FRMD4A: variants seen among roughly 807,000 people sequenced by gnomAD.
FRMD4A encodes FERM domain-containing protein 4A.
Under a neutral mutation model 129.1 loss-of-function variants are expected in FRMD4A, and 29 were observed. That is an observed-to-expected ratio of 0.22 (90% CI 0.17 to 0.31). The LOEUF (loss-of-function observed/expected upper bound fraction) is 0.31. Ranked by LOEUF, FRMD4A falls within the 10% of genes least tolerant of loss-of-function variation. FRMD4A has a pLI of 1.00. For missense variants in FRMD4A, 1,272 were observed against 1,375.8 expected, an observed-to-expected ratio of 0.92 and a Z score of 1.19; for synonymous variants, 634 against 571.6, an observed-to-expected ratio of 1.11 and a Z score of -1.56.
Position 13,890,566 on chromosome 10 carries a change from C to G in FRMD4A, c.46-31654G>C, listed in dbSNP as rs961247986. On this transcript the variant is annotated intron_variant, in intron 2 of 24. Coordinates refer to ENST00000357447, the MANE Select transcript of FRMD4A (RefSeq NM_018027.5). ...TTCCCGATAGAACAGGCTGTCACCA[C>G]TGACCAGCTCAGACTTAGAAATGTG... is the stretch of plus-strand genomic sequence containing the variant. 5.1e-6 allele frequency: 5 copies of G among 984,130 alleles called. No homozygotes were observed. The African/African-American group carries it at 7.0e-5, about 14-fold the overall frequency. The allele number at this position is 984,130 out of a possible 1,614,324, so 61.0% of individuals were successfully genotyped here.
chr10:14,057,465 A>T (rs1202157005), intron 2 of FRMD4A, among the ~76,000 whole-genome samples: 1 of 152,186 alleles, frequency 6.6e-6, no homozygotes, highest in African/African-American at 2.4e-5. Context: ...AATTCAAGAA[A>T]TTTCAAGGAA....
intron 2 of FRMD4A, among the ~76,000 whole-genome samples, chr10:13,885,742 T>C (rs561175105): frequency 6.6e-6 from 1 of 152,282 alleles, no homozygotes; most frequent in East Asian, 1.9e-4. Flanking sequence ...GGTTCTCCCC[T>C]CCTGCCAAGA....
At chr10:13,932,383 A>G (rs2610795) in intron 2 of FRMD4A, among the ~76,000 whole-genome samples, 34,757 of 152,134 alleles carry the variant, frequency 0.23, 4,252 homozygotes, top group Non-Finnish European at 0.26. Flanking sequence ...GACAGTGTCT[A>G]GAGTCTTCAT....
intron 2 of FRMD4A, among the ~76,000 whole-genome samples, chr10:14,109,455 GATAT>G (rs369234319): frequency 3.0e-4 from 46 of 152,294 alleles, no homozygotes; most frequent in African/African-American, 1.1e-3. Flanking sequence ...AAAGGCAACA[GATAT>G]ATAGTTGTTT....
intron 2 of FRMD4A, among the ~76,000 whole-genome samples, chr10:14,226,613 C>T (rs1229984447): frequency 6.6e-6 from 1 of 152,138 alleles, no homozygotes; most frequent in Non-Finnish European, 1.5e-5. Flanking sequence ...TACATCTTCC[C>T]ATGGTCCATG....
At position 13,663,514 on chromosome 10, in the gene FRMD4A, G is replaced by A; in HGVS notation, c.1604-5C>T. 1 of 1,502,120 alleles carries A rather than the reference G, an allele frequency of 6.7e-7. No homozygotes were observed. Among genetic ancestry groups the A allele is most frequent in the Non-Finnish European group, 9.3e-7 (1 of 1,077,628 alleles). The allele number at this position is 1,502,120 out of a possible 1,614,324, so 93.0% of individuals were successfully genotyped here. A position where few individuals can be genotyped will look rare whatever the true frequency, so the allele number is the denominator to read the frequency against. On this transcript the variant is annotated splice_polypyrimidine_tract_variant and splice_region_variant and intron_variant, in intron 18 of 24. Coordinates refer to ENST00000357447, the MANE Select transcript of FRMD4A (RefSeq NM_018027.5). ...CTTCACTGGCAATGTTTCCATCTGA[G>A]AAGACAAAAAGCAATAGCCTATGAG...
intron 2 of FRMD4A, among the ~76,000 whole-genome samples, chr10:14,271,518 G>C (rs80178947): frequency 6.6e-6 from 1 of 152,140 alleles, no homozygotes; most frequent in African/African-American, 2.4e-5. Context: ...AGACGGGTGG[G>C]AGAGTAGGCT....
Position 14,158,765 on chromosome 10 carries a change from G to A in FRMD4A, c.45+171293C>T, listed in dbSNP as rs113216511. Among the ~76,000 whole-genome samples, 806 of 151,044 alleles carry A rather than the reference G, an allele frequency of 5.3e-3. 2 individuals are homozygous for A. The highest frequency in any genetic ancestry group is 0.014 in the African/African-American group (588 of 41,134). Reference sequence around the variant, plus strand: ...AAAGGAGGAGGAGGTGGAAGAGGATGAGGAAGAAGAGGAAGAGGAGCAGGA... The same window carrying A: ...AAAGGAGGAGGAGGTGGAAGAGGATAAGGAAGAAGAGGAAGAGGAGCAGGA... On this transcript the variant is annotated intron_variant, in intron 2 of 24. Coordinates refer to ENST00000357447, the MANE Select transcript of FRMD4A (RefSeq NM_018027.5).
At chr10:13,942,733 G>C (rs1051389621) in intron 2 of FRMD4A, among the ~76,000 whole-genome samples, 6 of 152,124 alleles carry the variant, frequency 3.9e-5, no homozygotes, top group African/African-American at 1.2e-4. Flanking sequence ...AAGAGACTGA[G>C]ACCATCCTGG....
At position 14,309,191 on chromosome 10, in the gene FRMD4A, T is replaced by C. The variant is rs142723533; in HGVS notation, c.45+20867A>G. The stretch of plus-strand genomic sequence containing the variant: ...TAGACTGGGCATGGTGGCTCACGTC[T>C]GTAATCACAGCTACGCAGGAGACCA... On this transcript the variant is annotated intron_variant, in intron 2 of 24. Coordinates refer to ENST00000357447, the MANE Select transcript of FRMD4A (RefSeq NM_018027.5). Among the ~76,000 whole-genome samples the C allele has an allele frequency of 3.8e-3, 583 of 152,328 alleles. 4 individuals are homozygous for C. Among genetic ancestry groups the C allele is most frequent in the African/African-American group, 0.013 (544 of 41,576 alleles).
chr10:14,072,685 G>A (rs1835372476), intron 2 of FRMD4A, among the ~76,000 whole-genome samples: 1 of 152,164 alleles, frequency 6.6e-6, no homozygotes. Flanking sequence ...TGGGAAAGGG[G>A]AGGGTTTTTT....
At chr10:14,274,243 G>C (rs1299561482) in intron 2 of FRMD4A, among the ~76,000 whole-genome samples, 1 of 152,214 alleles carries the variant, frequency 6.6e-6, no homozygotes, top group African/African-American at 2.4e-5. Context: ...TCGATCCCTA[G>C]AGGGATGGCA....
intron 2 of FRMD4A, among the ~76,000 whole-genome samples, chr10:14,248,342 A>G (rs923641706): frequency 6.6e-6 from 1 of 152,252 alleles, no homozygotes; most frequent in South Asian, 2.1e-4. Context: ...TCCGTTGCAC[A>G]TGCATATTTA....
chr10:14,219,871 T>C (rs893151744), intron 2 of FRMD4A, among the ~76,000 whole-genome samples: 2 of 152,212 alleles, frequency 1.3e-5, no homozygotes, highest in South Asian at 4.1e-4. Flanking sequence ...GCGATGCTAG[T>C]CCTGCCTGAA....
chr10:13,816,900 A>T (rs2093553328), intron 3 of FRMD4A, among the ~76,000 whole-genome samples: 1 of 152,240 alleles, frequency 6.6e-6, no homozygotes, highest in South Asian at 2.1e-4. Context: ...TGTCAGAATT[A>T]GCCTCTTGTG....
Position 13,823,722 on chromosome 10 carries a change from T to G in FRMD4A, c.112-12814A>C, listed in dbSNP as rs149325235. 1.7e-3 allele frequency among the ~76,000 whole-genome samples: 262 copies of G among 152,318 alleles called. 3 individuals carry two copies. The highest frequency in any genetic ancestry group is 5.2e-3 in the African/African-American group (216 of 41,562). Reference sequence around the variant, plus strand: ...TCACTGGGAGGTGAGGTATGTTCTATAAGATCAAATGACACATTGGCAGAT... The same window carrying G: ...TCACTGGGAGGTGAGGTATGTTCTAGAAGATCAAATGACACATTGGCAGAT... On this transcript the variant is annotated intron_variant, in intron 3 of 24. Coordinates refer to ENST00000357447, the MANE Select transcript of FRMD4A (RefSeq NM_018027.5).
At chr10:14,209,030 A>G (rs879513124) in intron 2 of FRMD4A, among the ~76,000 whole-genome samples, 3 of 152,124 alleles carry the variant, frequency 2.0e-5, no homozygotes, top group Admixed American at 1.3e-4. Flanking sequence ...CCTTCCCACC[A>G]TCTGTGAATG....
At chr10:14,014,559 C>G (rs182896686) in intron 2 of FRMD4A, among the ~76,000 whole-genome samples, 46 of 152,280 alleles carry the variant, frequency 3.0e-4, no homozygotes, top group African/African-American at 1.0e-3. Flanking sequence ...TTAGAGGAAG[C>G]TGGGACTGAG....
At chr10:14,291,831 A>ATATTAT (rs1373113667) in intron 2 of FRMD4A, among the ~76,000 whole-genome samples, 1 of 151,862 alleles carries the variant, frequency 6.6e-6, no homozygotes, top group Non-Finnish European at 1.5e-5. Flanking sequence ...AATTGGAATT[A>ATATTAT]TATTATTATT....
Sources: allele counts gnomAD v4.1 joint callset (sites outside exome capture counted in the v4.1 genomes callset), GRCh38; gene constraint gnomAD v4.1.1; transcripts MANE v1.5; gene names NCBI Gene and HGNC (gene_info 2026-07-23, HGNC 2026-07-21).